The following NCOA3 variants were observed in gnomAD, a reference collection of about 807,000 sequenced individuals.
NCOA3 encodes the protein nuclear receptor coactivator 3.
A neutral mutation model predicts 158.8 loss-of-function variants in NCOA3; 51 were observed. The observed-to-expected ratio is 0.32, with a 90% CI of 0.26 to 0.41. The LOEUF is 0.41. NCOA3 is among the 10% of genes least tolerant of loss of function. The pLI, the probability that NCOA3 is intolerant of heterozygous loss-of-function variation, is 1.00. For missense variants in NCOA3, 1,510 were observed against 1,746.6 expected, an observed-to-expected ratio of 0.86 and a Z score of 2.41; for synonymous variants, 537 against 592.4, an observed-to-expected ratio of 0.91 and a Z score of 1.36.
chr20:47,578,930 T>G (rs1168657449), intron 1 of NCOA3, among the ~76,000 whole-genome samples: 1 of 152,226 alleles, frequency 6.6e-6, no homozygotes, highest in African/African-American at 2.4e-5. Context: ...AAAACATGTT[T>G]ATAATATTCA....
chr20:47,589,005 C>T (rs989789238), intron 2 of NCOA3, among the ~76,000 whole-genome samples: 1 of 152,120 alleles, frequency 6.6e-6, no homozygotes, highest in African/African-American at 2.4e-5. Flanking sequence ...TCTCCTGCCT[C>T]AGCCTCCCAA....
chr20:47,646,395 G>C (rs1412547211), intron 17 of NCOA3, among the ~76,000 whole-genome samples: 1 of 152,156 alleles, frequency 6.6e-6, no homozygotes, highest in East Asian at 1.9e-4. Context: ...GATATAGTAG[G>C]GTAGGTTGGA....
chr20:47,557,767 A>G (rs866901248), intron 1 of NCOA3, among the ~76,000 whole-genome samples: 2 of 152,192 alleles, frequency 1.3e-5, no homozygotes, highest in African/African-American at 4.8e-5. Context: ...TGGACTTTTC[A>G]AATGAGTATA....
At chr20:47,570,827 G>C (rs546234681) in intron 1 of NCOA3, among the ~76,000 whole-genome samples, 4 of 151,312 alleles carry the variant, frequency 2.6e-5, no homozygotes, top group Admixed American at 2.6e-4. Context: ...TAATCCATGG[G>C]ATGCAGAACA....
chr20:47,564,290 C>G lies in NCOA3; in HGVS notation c.-98-18893C>G, dbSNP rs188511074. ...GCATTTTTTTTTTCAATTATTGTAG[C>G]ATGGGCATCCTTTTAGGTAATTGTA... On this transcript the variant is annotated intron_variant, in intron 1 of 22. Transcript: ENST00000371998. Among the ~76,000 whole-genome samples, 11 of 151,868 alleles carry G rather than the reference C, an allele frequency of 7.2e-5. No individual in the cohort carries two copies. In the East Asian group the frequency reaches 2.1e-3, roughly 29 times the overall value.
At chr20:47,550,545 T>G (rs1265247810) in intron 1 of NCOA3, among the ~76,000 whole-genome samples, 3 of 152,096 alleles carry the variant, frequency 2.0e-5, no homozygotes, top group Non-Finnish European at 4.4e-5. Flanking sequence ...AATGACTGAT[T>G]AACAAACGAC....
At chr20:47,588,636 C>T (rs2085575448) in intron 2 of NCOA3, among the ~76,000 whole-genome samples, 1 of 152,084 alleles carries the variant, frequency 6.6e-6, no homozygotes, top group Non-Finnish European at 1.5e-5. Flanking sequence ...CCCTTCCATG[C>T]CATTTTTCTT....
intron 1 of NCOA3, among the ~76,000 whole-genome samples, chr20:47,552,372 G>A (rs1305335348): frequency 6.6e-6 from 1 of 152,096 alleles, no homozygotes; most frequent in East Asian, 1.9e-4. Context: ...ATTTTACTGT[G>A]GTTATGTTTG....
Position 47,635,400 on chromosome 20 carries a change from G to A in NCOA3, c.1191G>A (p.Ser397=), listed in dbSNP as rs754833516. The A allele has an allele frequency of 1.1e-5, 18 of 1,614,032 alleles. No homozygotes were observed. The highest frequency in any genetic ancestry group is 4.5e-5 in the East Asian group (2 of 44,898). The change falls in exon 11 of 23, where the codon TCG becomes TCA. Residue 397 remains serine (S), a synonymous_variant. Transcript: ENST00000371998. ...CACCTATGGCTGGATGCAACAGTTC[G>A]GTAGGCGGCATGAGTATGTCGCCAA... ...IRPPMAGCNS[S]VGGMSMSPNQ...
chr20:47,622,359 C>T, intron 3 of NCOA3, 29 bp downstream of exon 3: 1 of 1,413,794 alleles, frequency 7.1e-7, no homozygotes, highest in Non-Finnish European at 9.8e-7. Context: ...GGTGCTTTAC[C>T]ACACTTGTTG....
chr20:47,529,072 CTT>C (rs1293178178), intron 1 of NCOA3, among the ~76,000 whole-genome samples: 1 of 149,640 alleles, frequency 6.7e-6, no homozygotes, highest in Non-Finnish European at 1.5e-5. Context: ...TGGCTGGACA[CTT>C]TTTTTTCTTA....
intron 1 of NCOA3, among the ~76,000 whole-genome samples, chr20:47,525,528 C>A (rs1413366903): frequency 6.8e-6 from 1 of 148,046 alleles, no homozygotes; most frequent in Non-Finnish European, 1.5e-5. Flanking sequence ...AGGCGCCCCT[C>A]ACCTCCTGGA....
At position 47,551,406 on chromosome 20, in the gene NCOA3, C is replaced by T. The variant is rs551458887; in HGVS notation, c.-98-31777C>T. Among the ~76,000 whole-genome samples the T allele has an allele frequency of 1.1e-4, 17 of 152,206 alleles. 1 individual carries two copies. In the South Asian group the frequency reaches 3.5e-3, roughly 32 times the overall value. On this transcript the variant is annotated intron_variant, in intron 1 of 22. Transcript: ENST00000371998. ...GACACGTTCCCTGAATTGACACATT[C>T]CCATCTTTCAAGCAGTAGACTTTCT...
chr20:47,512,903 A>G (rs2084169895), intron 1 of NCOA3, among the ~76,000 whole-genome samples: 1 of 152,150 alleles, frequency 6.6e-6, no homozygotes, highest in Admixed American at 6.6e-5. Context: ...CAAGCCTGTA[A>G]TCCCAGCACT....
chr20:47,570,795 C>G (rs966950335), intron 1 of NCOA3, among the ~76,000 whole-genome samples: 3 of 151,678 alleles, frequency 2.0e-5, no homozygotes, highest in African/African-American at 7.3e-5. Flanking sequence ...AATAGTAATA[C>G]TTGAAAGTTA....
At chr20:47,560,229 G>A (rs964055368) in intron 1 of NCOA3, among the ~76,000 whole-genome samples, 7 of 152,164 alleles carry the variant, frequency 4.6e-5, no homozygotes, top group Non-Finnish European at 1.0e-4. Context: ...ATAGGTGTGC[G>A]CTATCATGGC....
chr20:47,546,084 C>T (rs2084823301), intron 1 of NCOA3, among the ~76,000 whole-genome samples: 1 of 152,100 alleles, frequency 6.6e-6, no homozygotes, highest in East Asian at 1.9e-4. Context: ...TCCTCTGAAC[C>T]TTTTCATTTA....
At chr20:47,571,004 A>G (rs117981228) in intron 1 of NCOA3, among the ~76,000 whole-genome samples, 17,901 of 98,222 alleles carry the variant, frequency 0.18, 1,702 homozygotes, top group Middle Eastern at 0.3. Context: ...GTGTGTGTGT[A>G]TATACATTTT....
At chr20:47,533,867 C>T (rs186631753) in intron 1 of NCOA3, among the ~76,000 whole-genome samples, 5 of 152,114 alleles carry the variant, frequency 3.3e-5, no homozygotes, top group South Asian at 2.1e-4. Context: ...TTGAGGCTGC[C>T]GTGAGCTGTG....
Sources: gnomAD v4.1 joint callset for allele counts (sites outside exome capture counted in the v4.1 genomes callset) on GRCh38, gnomAD v4.1.1 for gene constraint, MANE v1.5 for transcripts, NCBI Gene and HGNC (gene_info 2026-07-23, HGNC 2026-07-21) for gene names.